TNFAIP8L3: variants seen among roughly 807,000 people sequenced by gnomAD.
TNFAIP8L3 encodes TNF alpha induced protein 8 like 3, also known as tumor necrosis factor alpha-induced protein 8-like protein 3.
Under a neutral mutation model 11.8 loss-of-function variants are expected in TNFAIP8L3, and 7 were observed. The observed-to-expected ratio is 0.59, with a 90% CI of 0.34 to 1.11. The LOEUF is 1.11. Among genes scored for constraint, TNFAIP8L3 ranks in the 50% most tolerant of loss-of-function variants. The pLI is 0.03. For synonymous variants in TNFAIP8L3, 98 were observed against 103.8 expected (o/e 0.94, Z 0.34); for missense variants, 219 against 258.6 (o/e 0.85, Z 1.05).
Position 51,094,816 on chromosome 15 carries a change from A to C in TNFAIP8L3, c.-221T>G. ...GCCCGCCGGCCGGTGCCTGCGCGCG[A>C]GGCGAGCGCAGGGCGGAGGGTGGGG... On this transcript the variant is annotated 5_prime_UTR_variant, in exon 1 of 2. Coordinates refer to ENST00000637513, the MANE Select transcript of TNFAIP8L3 (RefSeq NM_001311175.2). This position sits in a 1 kb window ranked among gnomAD's most constrained non-coding sequence, Gnocchi z 4.4. 2 of 550,828 alleles carry C rather than the reference A, an allele frequency of 3.6e-6. No homozygotes were observed. The highest frequency in any genetic ancestry group is 2.1e-5 in the African/African-American group (1 of 48,350). 34.1% of individuals were successfully genotyped at this position (550,828 alleles called of 1,614,324 possible).
intron 1 of TNFAIP8L3, among the ~76,000 whole-genome samples, chr15:51,077,298 C>T (rs758823076): frequency 1.7e-4 from 26 of 152,224 alleles, no homozygotes; most frequent in Admixed American, 6.5e-5. Context: ...GACTGCCAGG[C>T]CCCCAGGCCC....
Position 51,105,028 on chromosome 15 carries a change from T to C in TNFAIP8L3, c.149A>G (p.His50Arg), listed in dbSNP as rs544882539. The change falls in exon 1 of 3, where the codon CAT (histidine) becomes CGT (arginine). Residue 50 changes from histidine (H) to arginine (R), a missense_variant. Physicochemically the swap from His to Arg is conservative, Grantham distance 29 (BLOSUM62 0). Transcript: ENST00000327536. Reference sequence around the variant, plus strand: ...ACCAAGTCCCTTTCCCCTCTGAAGATGAAAAGATAAGGGGATGAGTCTTGT... The same window carrying C: ...ACCAAGTCCCTTTCCCCTCTGAAGACGAAAAGATAAGGGGATGAGTCTTGT... 3.7e-6 allele frequency: 6 copies of C among 1,614,146 alleles called. No homozygotes were observed. The South Asian group carries it at 5.5e-5, about 15-fold the overall frequency.
chr15:51,102,433 G>A (rs1167036253), intron 1 of TNFAIP8L3, among the ~76,000 whole-genome samples: 1 of 152,040 alleles, frequency 6.6e-6, no homozygotes, highest in African/African-American at 2.4e-5. Context: ...AATATCGCTC[G>A]CCAAGTGTTG....
chr15:51,100,005 TTAA>T (rs112143571), intron 1 of TNFAIP8L3, among the ~76,000 whole-genome samples: 32,147 of 152,066 alleles, frequency 0.21, 3,485 homozygotes, highest in East Asian at 0.4. Context: ...TTATAAATGG[TTAA>T]AGAAGAGAAT....
intron 1 of TNFAIP8L3, among the ~76,000 whole-genome samples, chr15:51,076,947 G>GGAGAGGTCCTCC (rs2065355279): frequency 6.6e-6 from 1 of 152,240 alleles, no homozygotes; most frequent in African/African-American, 2.4e-5. Context: ...TGATGCCTGT[G>GGAGAGGTCCTCC]GAGAGGTCCT....
intron 1 of TNFAIP8L3, among the ~76,000 whole-genome samples, chr15:51,066,675 G>A (rs946881317): frequency 2.0e-5 from 3 of 152,116 alleles, no homozygotes; most frequent in African/African-American, 7.2e-5. Flanking sequence ...GTAGGGGTGA[G>A]GCGTGGTGGT....
At chr15:51,077,257 G>A (rs1213637433) in intron 1 of TNFAIP8L3, among the ~76,000 whole-genome samples, 1 of 152,234 alleles carries the variant, frequency 6.6e-6, no homozygotes, top group African/African-American at 2.4e-5. Context: ...CTCTTCCTGT[G>A]TTGGCCTCAG....
At chr15:51,084,826 C>G (rs529308542) in intron 1 of TNFAIP8L3, among the ~76,000 whole-genome samples, 1 of 152,254 alleles carries the variant, frequency 6.6e-6, no homozygotes, top group African/African-American at 2.4e-5. Flanking sequence ...TTCCCAAAAG[C>G]TTACAGCTAT....
At chr15:51,100,124 AT>A (rs1325961764) in intron 1 of TNFAIP8L3, among the ~76,000 whole-genome samples, 1 of 152,222 alleles carries the variant, frequency 6.6e-6, no homozygotes, top group Non-Finnish European at 1.5e-5. Context: ...AGATAATTTT[AT>A]TTGACTTGGG....
chr15:51,066,193 C>T (rs1420759151), intron 1 of TNFAIP8L3, among the ~76,000 whole-genome samples: 2 of 145,906 alleles, frequency 1.4e-5, no homozygotes, highest in Non-Finnish European at 1.5e-5. Flanking sequence ...GACAGAGTCT[C>T]ACTTTGTCGC....
At position 51,094,065 on chromosome 15, in the gene TNFAIP8L3, G is replaced by A. The variant is rs942636737; in HGVS notation, c.52+479C>T. 1.4e-4 allele frequency among the ~76,000 whole-genome samples: 22 copies of A among 152,258 alleles called. No individual in the cohort carries two copies. The highest frequency in any genetic ancestry group is 5.1e-4 in the African/African-American group (21 of 41,568). Reference sequence around the variant, plus strand: ...GCCTCGGGAACCGCGGCCGCAAGCTGTGGTTTGACCCCTGCCCCAACCACT... The same window carrying A: ...GCCTCGGGAACCGCGGCCGCAAGCTATGGTTTGACCCCTGCCCCAACCACT... On this transcript the variant is annotated intron_variant, in intron 1 of 1. Transcript: ENST00000637513. This position sits in a 1 kb window ranked among gnomAD's most constrained non-coding sequence, Gnocchi z 4.4.
At chr15:51,097,090 G>C (rs56036336), upstream of TNFAIP8L3, among the ~76,000 whole-genome samples, 34,598 of 151,856 alleles carry the variant, frequency 0.23, 4,134 homozygotes, top group East Asian at 0.44. Flanking sequence ...TCCTCTAAAG[G>C]TTGTGCCTAG....
At chr15:51,077,762 CAG>C (rs1043083069) in intron 1 of TNFAIP8L3, among the ~76,000 whole-genome samples, 15 of 152,246 alleles carry the variant, frequency 9.9e-5, no homozygotes, top group African/African-American at 3.6e-4. Flanking sequence ...ACTGGGGGAA[CAG>C]GGGGCGGAGC....
At chr15:51,084,022 A>G (rs1424714508) in intron 1 of TNFAIP8L3, among the ~76,000 whole-genome samples, 1 of 152,242 alleles carries the variant, frequency 6.6e-6, no homozygotes, top group Non-Finnish European at 1.5e-5. Context: ...ACTGAAGACA[A>G]ATCTGGAAGA....
chr15:51,086,709 T>C (rs1282680485), intron 1 of TNFAIP8L3, among the ~76,000 whole-genome samples: 1 of 152,220 alleles, frequency 6.6e-6, no homozygotes, highest in Non-Finnish European at 1.5e-5. Context: ...AAGGCTGGTA[T>C]AAGGATCAAC....
intron 1 of TNFAIP8L3, among the ~76,000 whole-genome samples, chr15:51,102,145 G>A (rs1210070778): frequency 2.0e-5 from 3 of 152,020 alleles, no homozygotes; most frequent in African/African-American, 7.2e-5. Context: ...TGGAAACTGA[G>A]ACATGGAAAG....
chr15:51,078,658 C>T (rs1014201674), intron 1 of TNFAIP8L3, among the ~76,000 whole-genome samples: 3 of 152,074 alleles, frequency 2.0e-5, no homozygotes, highest in East Asian at 3.9e-4. Context: ...TGATCCCTCC[C>T]CCTCCACATT....
chr15:51,092,390 C>G (rs1291709639), intron 1 of TNFAIP8L3, among the ~76,000 whole-genome samples: 4 of 152,212 alleles, frequency 2.6e-5, no homozygotes, highest in Non-Finnish European at 5.9e-5. Flanking sequence ...GAATCTGCAA[C>G]AACGGTTTCC....
intron 1 of TNFAIP8L3, among the ~76,000 whole-genome samples, chr15:51,062,365 T>C (rs2065247092): frequency 6.6e-6 from 1 of 152,150 alleles, no homozygotes; most frequent in Non-Finnish European, 1.5e-5. Context: ...GAGGCTAAGA[T>C]AGGAGGATTG....
Sources: allele counts gnomAD v4.1 joint callset (sites outside exome capture counted in the v4.1 genomes callset), GRCh38; gene constraint gnomAD v4.1.1; non-coding constraint Gnocchi (gnomAD v3.1); transcripts MANE v1.5; gene names NCBI Gene and HGNC (gene_info 2026-07-23, HGNC 2026-07-21).